SLC25A16: variants seen among roughly 807,000 people sequenced by gnomAD.
The protein encoded by SLC25A16 is mitochondrial coenzyme A transporter SLC25A16.
SLC25A16 carries 39 observed loss-of-function variants against 41.5 expected under a neutral mutation model. That is an observed-to-expected ratio of 0.94 (90% CI 0.73 to 1.23). The LOEUF (loss-of-function observed/expected upper bound fraction) is 1.23, where lower values mean the gene tolerates loss of function less well. Ranked by LOEUF, SLC25A16 falls within the 50% of genes most tolerant of loss-of-function variation. SLC25A16 has a pLI of 0.00. For synonymous variants in SLC25A16, 146 were observed against 147.8 expected (o/e 0.99, Z 0.09); for missense variants, 421 against 426.9 (o/e 0.99, Z 0.12).
At chr10:68,492,810 A>G (rs1208128585) in intron 6 of SLC25A16, among the ~76,000 whole-genome samples, 1 of 151,860 alleles carries the variant, frequency 6.6e-6, no homozygotes, top group Non-Finnish European at 1.5e-5. Flanking sequence ...ATTATTTATA[A>G]TGAGACAAAA....
At chr10:68,505,709 A>C (rs547003519) in intron 3 of SLC25A16, among the ~76,000 whole-genome samples, 27 of 151,982 alleles carry the variant, frequency 1.8e-4, no homozygotes, top group African/African-American at 6.3e-4. Context: ...ACTCCAGCCT[A>C]GGGAACAAAA....
chr10:68,503,543 C>G, intron 4 of SLC25A16, 89 bp downstream of exon 4: 1 of 809,160 alleles, frequency 1.2e-6, no homozygotes, highest in Non-Finnish European at 2.0e-6. Context: ...CTGTGCTTTC[C>G]CCAATGGCAC....
intron 3 of SLC25A16, among the ~76,000 whole-genome samples, chr10:68,505,475 A>G (rs1347213599): frequency 6.6e-6 from 1 of 152,218 alleles, no homozygotes; most frequent in African/African-American, 2.4e-5. Flanking sequence ...ATTAGGAGTG[A>G]ACATAAAGAA....
At chr10:68,492,078 CA>C (rs2052668595) in intron 6 of SLC25A16, among the ~76,000 whole-genome samples, 1 of 151,916 alleles carries the variant, frequency 6.6e-6, no homozygotes, top group South Asian at 2.1e-4. Flanking sequence ...CCTTGGCCTC[CA>C]AAAGTGCTGG....
chr10:68,486,110 C>A (rs1193042696), intron 8 of SLC25A16, among the ~76,000 whole-genome samples: 1 of 149,262 alleles, frequency 6.7e-6, no homozygotes, highest in Non-Finnish European at 1.5e-5. Flanking sequence ...CCCAGGTACT[C>A]GGGAGGCTGA....
intron 3 of SLC25A16, 24 bp downstream of exon 3, chr10:68,506,561 G>C: frequency 6.6e-7 from 1 of 1,525,522 alleles, no homozygotes; most frequent in Admixed American, 2.1e-5. Context: ...GAACGCAAAA[G>C]AGAAAAGATC....
At chr10:68,505,223 C>T (rs1459343082) in intron 3 of SLC25A16, among the ~76,000 whole-genome samples, 1 of 152,052 alleles carries the variant, frequency 6.6e-6, no homozygotes, top group African/African-American at 2.4e-5. Context: ...GTGGCACATG[C>T]CTCTAGTGCC....
intron 6 of SLC25A16, among the ~76,000 whole-genome samples, chr10:68,492,878 T>A (rs1343078311): frequency 1.3e-5 from 2 of 151,446 alleles, no homozygotes; most frequent in East Asian, 3.9e-4. Context: ...ATGTTTAACA[T>A]CATCTAACGT....
rs36063306 is a variant in SLC25A16, at chr10:68,478,942, G to C, written c.*4490C>G. On this transcript the variant is annotated 3_prime_UTR_variant, in exon 9 of 9. Transcript: ENST00000609923. ...CTGGCTAATTTTTATATTTTTAGTA[G>C]AGATGGGATTTCACCATGTTGGCCA... 15,662 of 151,810 alleles carry C rather than the reference G, an allele frequency of 0.1. 1,538 individuals carry two copies. The highest frequency in any genetic ancestry group is 0.26 in the African/African-American group (10,768 of 41,302). The allele number at this position is 151,810 out of a possible 1,614,324, so 9.4% of individuals were successfully genotyped here.
intron 3 of SLC25A16, among the ~76,000 whole-genome samples, chr10:68,505,547 G>A (rs2052936564): frequency 7.1e-6 from 1 of 140,228 alleles, no homozygotes; most frequent in African/African-American, 2.8e-5. Flanking sequence ...GCCAAGGTGG[G>A]CAGATCACCT....
chr10:68,492,480 A>C (rs910930784), intron 6 of SLC25A16, among the ~76,000 whole-genome samples: 1 of 152,170 alleles, frequency 6.6e-6, no homozygotes, highest in African/African-American at 2.4e-5. Context: ...TAAAAAAAAA[A>C]CAGGACTGCT....
At chr10:68,500,001 C>A in intron 4 of SLC25A16, 4 of 383,552 alleles carry the variant, frequency 1.0e-5, no homozygotes, top group Non-Finnish European at 1.5e-5. Flanking sequence ...GATAAAAACT[C>A]GAAATAAAAA....
At chr10:68,505,743 A>C (rs1168748503) in intron 3 of SLC25A16, among the ~76,000 whole-genome samples, 2 of 152,132 alleles carry the variant, frequency 1.3e-5, no homozygotes, top group Non-Finnish European at 2.9e-5. Flanking sequence ...TGAAAAAATA[A>C]ATAAATAAAG....
At chr10:68,518,999 C>A (rs1013193196) in intron 1 of SLC25A16, among the ~76,000 whole-genome samples, 2 of 149,984 alleles carry the variant, frequency 1.3e-5, no homozygotes, top group Admixed American at 6.7e-5. Context: ...TTGAGACCAG[C>A]CCGACCAACA....
chr10:68,486,883 G>A (rs553123416), intron 8 of SLC25A16, among the ~76,000 whole-genome samples: 3 of 147,598 alleles, frequency 2.0e-5, no homozygotes, highest in South Asian at 2.2e-4. Flanking sequence ...CTTGAACCCA[G>A]GAGGCGGAGG....
intron 4 of SLC25A16, among the ~76,000 whole-genome samples, chr10:68,501,207 T>C (rs2133539452): frequency 6.8e-6 from 1 of 146,482 alleles, no homozygotes; most frequent in Middle Eastern, 4.2e-3. Context: ...GCCGAGACTG[T>C]GCCACTGCAC....
At position 68,496,964 on chromosome 10, in the gene SLC25A16, C is replaced by A. The variant is rs150098918; in HGVS notation, c.422-3394G>T. ...TTGCTGGGATCACAGGTGTGCATCA[C>A]CTGACCTAGCTACAAAGGATTTCTT... is the stretch of plus-strand genomic sequence containing the variant. On this transcript the variant is annotated intron_variant, in intron 4 of 8. Coordinates refer to ENST00000609923, the MANE Select transcript of SLC25A16 (RefSeq NM_152707.4). Among the ~76,000 whole-genome samples the A allele has an allele frequency of 5.3e-4, 81 of 152,080 alleles. 1 individual carries two copies. The highest frequency in any genetic ancestry group is 1.9e-3 in the African/African-American group (78 of 41,510).
chr10:68,509,433 A>T (rs2053015703), intron 2 of SLC25A16, among the ~76,000 whole-genome samples: 1 of 152,090 alleles, frequency 6.6e-6, no homozygotes, highest in African/African-American at 2.4e-5. Context: ...TAAGAAGTAC[A>T]ACCAGGCACA....
Position 68,483,294 on chromosome 10 carries a change from A to C in SLC25A16, c.*138T>G, listed in dbSNP as rs2052506745. The C allele has an allele frequency of 1.7e-6, 1 of 585,298 alleles. No individual in the cohort carries two copies. Among genetic ancestry groups the C allele is most frequent in the South Asian group, 2.6e-5 (1 of 37,742 alleles). The allele number at this position is 585,298 out of a possible 1,614,324, so 36.3% of individuals were successfully genotyped here. ...GTTCTGATTTGTGACTAAAGAAAAA[A>C]TAATCAAGTACTAAAATACCAGTGG... On this transcript the variant is annotated 3_prime_UTR_variant, in exon 9 of 9. Coordinates refer to ENST00000609923, the MANE Select transcript of SLC25A16 (RefSeq NM_152707.4).
Sources: allele counts gnomAD v4.1 joint callset (sites outside exome capture counted in the v4.1 genomes callset), GRCh38; gene constraint gnomAD v4.1.1; transcripts MANE v1.5; gene names NCBI Gene and HGNC (gene_info 2026-07-23, HGNC 2026-07-21).